Variants in TIE1 observed in about 807,000 individuals in gnomAD.
TIE1 encodes the protein tyrosine-protein kinase receptor Tie-1.
A neutral mutation model predicts 130.5 loss-of-function variants in TIE1; 89 were observed. That is an observed-to-expected ratio of 0.68 (90% confidence interval 0.57 to 0.81). TIE1 has a LOEUF of 0.81. Ranked by LOEUF, TIE1 falls within the 40% of genes least tolerant of loss-of-function variation. The pLI is 0.00. For synonymous variants in TIE1, 568 were observed against 629.4 expected (o/e 0.90, Z 1.46); for missense variants, 1,392 against 1,559.8 (o/e 0.89, Z 1.81).
Position 43,307,536 on chromosome 1 carries a change from TGTG to T in TIE1, c.879_881del (p.Cys293_Gly294delinsTer). The stretch of plus-strand genomic sequence containing the variant: ...CCTCCCAGACCCCTATGGCTGCTCT[TGTG>T]GATCTGGCTGGAGAGGAAGCCAGTG... On this transcript the variant is annotated stop_gained and inframe_deletion, in exon 6 of 23. Transcript: ENST00000372476. LOFTEE classifies it high-confidence loss of function. The surrounding 1 kb of genome is among the most constrained non-coding windows in gnomAD (Gnocchi z 5.4). The T allele has an allele frequency of 1.2e-6, 2 of 1,614,118 alleles. No individual in the cohort carries two copies. Among genetic ancestry groups the T allele is most frequent in the Non-Finnish European group, 1.7e-6 (2 of 1,180,002 alleles).
At chr1:43,304,583 G>A (rs1000254972) in intron 1 of TIE1, among the ~76,000 whole-genome samples, 2 of 152,270 alleles carry the variant, frequency 1.3e-5, no homozygotes, top group South Asian at 4.1e-4. Flanking sequence ...AGAAGGATTC[G>A]TGGTTTTGTT....
In TIE1 at chr1:43,306,744, T is replaced by A; in HGVS notation, c.485-96T>A. On this transcript the variant is annotated intron_variant, in intron 3 of 22. Transcript: ENST00000372476. This position sits in a 1 kb window ranked among gnomAD's most constrained non-coding sequence, Gnocchi z 4.9. Reference sequence around the variant, plus strand: ...CGGCCCTAGGTCTCATCACTGTGCATGGGGCTCATTGATGTGAGCTGAGCA... The same window carrying A: ...CGGCCCTAGGTCTCATCACTGTGCAAGGGGCTCATTGATGTGAGCTGAGCA... The A allele has an allele frequency of 7.0e-7, 1 of 1,425,932 alleles. No individual in the cohort carries two copies. The highest frequency in any genetic ancestry group is 1.4e-5 in the South Asian group (1 of 73,590). 88.3% of individuals were successfully genotyped at this position (1,425,932 alleles called of 1,614,324 possible).
chr1:43,307,205 G>T lies in TIE1; in HGVS notation c.704G>T (p.Gly235Val). 1 of 1,614,172 alleles carries T rather than the reference G, an allele frequency of 6.2e-7. No homozygotes were observed. The change falls in exon 5 of 23, where the codon GGT (glycine) becomes GTT (valine). Residue 235 changes from glycine (G) to valine (V), a missense_variant. This residue lies in a region of TIE1 where 415 missense variants were observed against 424.8 expected (regional missense o/e 0.98). Coordinates refer to ENST00000372476, the MANE Select transcript of TIE1 (RefSeq NM_005424.5). This position sits in a 1 kb window ranked among gnomAD's most constrained non-coding sequence, Gnocchi z 5.4. ...TKECPGCLHG[G>V]VCHDHDGECV... ...GAGTGCCCAGGTTGCCTACATGGAG[G>T]TGTCTGCCACGACCATGACGGCGAA...
chr1:43,315,714 C>G lies in TIE1; in HGVS notation c.2410-1485C>G, dbSNP rs1451520454. ...GCTTCTTTGTTCCAAGCTGTGTTGG[C>G]TCTTCCTCTGAGGTCAGTGCACACA... On this transcript the variant is annotated intron_variant, in intron 14 of 22. Coordinates refer to ENST00000372476, the MANE Select transcript of TIE1 (RefSeq NM_005424.5). The surrounding 1 kb of genome is among the most constrained non-coding windows in gnomAD (Gnocchi z 4.4). Among the ~76,000 whole-genome samples, 1 of 152,010 alleles carries G rather than the reference C, an allele frequency of 6.6e-6. No homozygotes were observed.
At chr1:43,314,180 T>G in intron 14 of TIE1, 3 of 708,626 alleles carry the variant, frequency 4.2e-6, no homozygotes, top group Non-Finnish European at 4.6e-6. Context: ...CCATTTATAT[T>G]AGTGGTGAAA....
Position 43,319,644 on chromosome 1 carries a change from T to G in TIE1, c.3107+115T>G. On this transcript the variant is annotated intron_variant, in intron 19 of 22. Coordinates refer to ENST00000372476, the MANE Select transcript of TIE1 (RefSeq NM_005424.5). The surrounding 1 kb of genome is among the most constrained non-coding windows in gnomAD (Gnocchi z 4.7). ...GTCTAAGGCATGACCTGGGCTGTGT[T>G]CCAGGTGTGACACAGGTGTGTCTTG... 2 of 1,088,406 alleles carry G rather than the reference T, an allele frequency of 1.8e-6. No homozygotes were observed. The highest frequency in any genetic ancestry group is 2.8e-6 in the Non-Finnish European group (2 of 714,974). 67.4% of individuals were successfully genotyped at this position (1,088,406 alleles called of 1,614,324 possible). A position where few individuals can be genotyped will look rare whatever the true frequency, so the allele number is the denominator to read the frequency against.
Position 43,322,559 on chromosome 1 carries a change from A to G in TIE1, c.3346-92A>G, listed in dbSNP as rs561010471. ...TAGGTCTCCAGAACAAATCAGTGTC[A>G]GTTCAAATGCCCCCACCACATGGAA... On this transcript the variant is annotated intron_variant, in intron 22 of 22. Transcript: ENST00000372476. This position sits in a 1 kb window ranked among gnomAD's most constrained non-coding sequence, Gnocchi z 4.0. The G allele has an allele frequency of 4.8e-5, 44 of 915,298 alleles. 1 individual carries two copies. In the South Asian group the frequency reaches 5.8e-4, roughly 12 times the overall value. The allele number at this position is 915,298 out of a possible 1,614,324, so 56.7% of individuals were successfully genotyped here.
In TIE1 at chr1:43,316,177, A is replaced by G. The variant is rs979428914; in HGVS notation, c.2410-1022A>G. ...CACGTGCATCCCCTGTGAGTGCCAC[A>G]TGTTTAAATGCGTGTGTCCCAGATG... On this transcript the variant is annotated intron_variant, in intron 14 of 22. Coordinates refer to ENST00000372476, the MANE Select transcript of TIE1 (RefSeq NM_005424.5). This position sits in a 1 kb window ranked among gnomAD's most constrained non-coding sequence, Gnocchi z 4.4. Among the ~76,000 whole-genome samples, 2 of 152,336 alleles carry G rather than the reference A, an allele frequency of 1.3e-5. No homozygotes were observed. The highest frequency in any genetic ancestry group is 3.4e-3 in the Middle Eastern group (1 of 294).
Position 43,322,557 on chromosome 1 carries a change from T to A in TIE1, c.3346-94T>A. On this transcript the variant is annotated intron_variant, in intron 22 of 22. Coordinates refer to ENST00000372476, the MANE Select transcript of TIE1 (RefSeq NM_005424.5). This position sits in a 1 kb window ranked among gnomAD's most constrained non-coding sequence, Gnocchi z 4.0. Reference sequence around the variant, plus strand: ...CTTAGGTCTCCAGAACAAATCAGTGTCAGTTCAAATGCCCCCACCACATGG... The same window carrying A: ...CTTAGGTCTCCAGAACAAATCAGTGACAGTTCAAATGCCCCCACCACATGG... 1 of 901,942 alleles carries A rather than the reference T, an allele frequency of 1.1e-6. No homozygotes were observed. The highest frequency in any genetic ancestry group is 1.4e-5 in the South Asian group (1 of 69,416). The allele number at this position is 901,942 out of a possible 1,614,324, so 55.9% of individuals were successfully genotyped here.
Position 43,305,059 on chromosome 1 carries a change from G to C in TIE1, c.267G>C (p.Thr89=). The C allele has an allele frequency of 6.2e-7, 1 of 1,607,998 alleles. No individual in the cohort carries two copies. The highest frequency in any genetic ancestry group is 8.5e-7 in the Non-Finnish European group (1 of 1,176,518). Residue 89 remains threonine, a synonymous_variant, in exon 2 of 23, where the codon ACG becomes ACC. Transcript: ENST00000372476. ...CGCGCAACGGTTCGCACCAGGTCAC[G>C]CTTCGCGGCTTCTCCAAGCCCTCGG... ...RLARNGSHQV[T]LRGFSKPSDL...
rs1646663748 is a variant in TIE1, at chr1:43,301,010, G to A, written c.-62G>A. 6.4e-7 allele frequency: 1 copy of A among 1,552,510 alleles called. No homozygotes were observed. Among genetic ancestry groups the A allele is most frequent in the South Asian group, 1.1e-5 (1 of 89,356 alleles). On this transcript the variant is annotated 5_prime_UTR_variant, in exon 1 of 23. Coordinates refer to ENST00000372476, the MANE Select transcript of TIE1 (RefSeq NM_005424.5). ...CTGACCAACACAGGCTGAGCAGTCA[G>A]GCCCACAGCATCTGACCCCAGGCCC...
chr1:43,309,553 A>AC lies in TIE1; in HGVS notation c.1333+22dup, dbSNP rs764584116. ...GAAAGGTCAGTGATGTCCTAGGTCC[A>AC]CAGGGAATGGACGGTGAGCAGAGTA... On this transcript the variant is annotated intron_variant, in intron 9 of 22. Coordinates refer to ENST00000372476, the MANE Select transcript of TIE1 (RefSeq NM_005424.5). The surrounding 1 kb of genome is among the most constrained non-coding windows in gnomAD (Gnocchi z 6.3). The AC allele has an allele frequency of 2.6e-6, 4 of 1,560,566 alleles. No individual in the cohort carries two copies.
chr1:43,318,463 G>T lies in TIE1; in HGVS notation c.2922+391G>T, dbSNP rs1156475274. ...CTCAGGCCTGAATGAGAGGACAGGG[G>T]GATGACTGTCCAGGGGAGTGTGAGT... On this transcript the variant is annotated intron_variant, in intron 17 of 22. Coordinates refer to ENST00000372476, the MANE Select transcript of TIE1 (RefSeq NM_005424.5). The surrounding 1 kb of genome is among the most constrained non-coding windows in gnomAD (Gnocchi z 4.4). Among the ~76,000 whole-genome samples the T allele has an allele frequency of 6.6e-6, 1 of 152,128 alleles. No homozygotes were observed. Among genetic ancestry groups the T allele is most frequent in the East Asian group, 1.9e-4 (1 of 5,192 alleles).
Position 43,301,115 on chromosome 1 carries a change from T to C in TIE1, c.44T>C (p.Leu15Ser). The change falls in exon 1 of 23, where the codon TTG becomes TCG. Residue 15 changes from leucine to serine, a missense_variant. By Grantham distance (145) the Leu-to-Ser change is moderately radical. This residue lies in a region of TIE1 where 415 missense variants were observed against 424.8 expected (regional missense o/e 0.98). Coordinates refer to ENST00000372476, the MANE Select transcript of TIE1 (RefSeq NM_005424.5). Reference sequence around the variant, plus strand: ...CCTTTCTTGCTCCCCATCCTCTTCTTGGCTTCTCATGTGGGTAAGTCTCCC... The same window carrying C: ...CCTTTCTTGCTCCCCATCCTCTTCTCGGCTTCTCATGTGGGTAAGTCTCCC... Reference protein sequence around the residue: ...VPPFLLPILFLASHVGAAVDL... With the variant: ...VPPFLLPILFSASHVGAAVDL... 6.2e-7 allele frequency: 1 copy of C among 1,613,888 alleles called. No homozygotes were observed.
chr1:43,305,381 C>T, intron 3 of TIE1, 38 bp downstream of exon 3: 1 of 1,480,940 alleles, frequency 6.8e-7, no homozygotes. Context: ...GAGGGTAGAC[C>T]CATCGTTCTG....
intron 7 of TIE1, among the ~76,000 whole-genome samples, chr1:43,308,603 G>A (rs1281060577): frequency 6.6e-6 from 1 of 150,982 alleles, no homozygotes; most frequent in African/African-American, 2.4e-5. Flanking sequence ...TGTTAAAAAG[G>A]AACAAGGTAG....
chr1:43,305,376 T>C, intron 3 of TIE1, 33 bp downstream of exon 3: 1 of 1,493,268 alleles, frequency 6.7e-7, no homozygotes, highest in East Asian at 2.4e-5. Context: ...GTGGGGAGGG[T>C]AGACCCATCG....
chr1:43,310,975 T>C (rs769911206), intron 9 of TIE1, among the ~76,000 whole-genome samples: 4 of 152,102 alleles, frequency 2.6e-5, no homozygotes, highest in South Asian at 2.1e-4. Flanking sequence ...TTAAAAGCAC[T>C]AATGCAATAA....
At position 43,307,065 on chromosome 1, in the gene TIE1, TC is replaced by T; in HGVS notation, c.641-73del. 1 of 1,612,560 alleles carries T rather than the reference TC, an allele frequency of 6.2e-7. No individual in the cohort carries two copies. The highest frequency in any genetic ancestry group is 8.5e-7 in the Non-Finnish European group (1 of 1,179,354). On this transcript the variant is annotated intron_variant, in intron 4 of 22. Transcript: ENST00000372476. The surrounding 1 kb of genome is among the most constrained non-coding windows in gnomAD (Gnocchi z 5.4). ...GAGCCCTATGGGTACTTCCTGTGGGTCCCCTGGAGCCCCTGGATCTCCAGTC... is the reference window on the plus strand; with the variant it reads ...GAGCCCTATGGGTACTTCCTGTGGGTCCCTGGAGCCCCTGGATCTCCAGTC...
Sources: allele counts gnomAD v4.1 joint callset (sites outside exome capture counted in the v4.1 genomes callset), GRCh38; gene constraint gnomAD v4.1.1; regional missense constraint gnomAD v4.1.1; non-coding constraint Gnocchi (gnomAD v3.1); transcripts MANE v1.5; gene names NCBI Gene and HGNC (gene_info 2026-07-23, HGNC 2026-07-21).